Variants in RIPK3 observed in about 807,000 individuals in gnomAD.
RIPK3 encodes receptor interacting serine/threonine kinase 3, also known as receptor-interacting serine/threonine-protein kinase 3.
RIPK3 carries 51 observed loss-of-function variants against 51.6 expected under a neutral mutation model. That is an observed-to-expected ratio of 0.99 (90% CI 0.79 to 1.25). RIPK3 has a LOEUF of 1.25. Among genes scored for constraint, RIPK3 ranks in the 50% most tolerant of loss-of-function variants. The pLI is 0.00. For synonymous variants in RIPK3, 246 were observed against 257.7 expected, an observed-to-expected ratio of 0.95 and a Z score of 0.44; for missense variants, 654 against 650.4, an observed-to-expected ratio of 1.01 and a Z score of -0.06.
Position 24,337,915 on chromosome 14 carries a change from G to GCATTAATCC in RIPK3, c.789_790insGGATTAATG (p.Gln263_Leu264insGlyLeuMet). On this transcript the variant is annotated inframe_insertion, in exon 6 of 10. Transcript: ENST00000216274. ...TCCTTGGGCTCACTGCTCCAGCAGA[G>GCATTAATCC]CTGCATTAGCTCCTTCAGTCCTTCT... The GCATTAATCC allele has an allele frequency of 6.2e-7, 1 of 1,614,210 alleles. No individual in the cohort carries two copies. The highest frequency in any genetic ancestry group is 8.5e-7 in the Non-Finnish European group (1 of 1,180,042).
chr14:24,339,821 C>A lies in RIPK3; in HGVS notation c.6G>T (p.Ser2=). 6.4e-7 allele frequency: 1 copy of A among 1,571,652 alleles called. No individual in the cohort carries two copies. Among genetic ancestry groups the A allele is most frequent in the Non-Finnish European group, 8.6e-7 (1 of 1,161,674 alleles). The stretch of plus-strand genomic sequence containing the variant: ...TCCCTACTCACCATAACTTGACGCA[C>A]GACATCAGGCTGGAAGGTGCCAGGG... M[S]CVKLWPSGAP... is the part of the protein sequence containing the mutation. The change falls in exon 1 of 10, where the codon TCG becomes TCT. Residue 2 remains serine (S), a synonymous_variant. Transcript: ENST00000216274. This position sits in a 1 kb window ranked among gnomAD's most constrained non-coding sequence, Gnocchi z 4.0.
chr14:24,337,819 C>T lies in RIPK3; in HGVS notation c.832+54G>A, dbSNP rs370452891. 1.9e-4 allele frequency: 301 copies of T among 1,612,582 alleles called. No individual in the cohort carries two copies. In the African/African-American group the frequency reaches 3.7e-3, roughly 20 times the overall value. ...GCAAATCTTCTTTTCCTGAGAAAAGCCCCCTGCTGACAGACCCAAGCTTAT... is the reference window on the plus strand; with the variant it reads ...GCAAATCTTCTTTTCCTGAGAAAAGTCCCCTGCTGACAGACCCAAGCTTAT... On this transcript the variant is annotated intron_variant, in intron 6 of 9. Transcript: ENST00000216274.
intron 4 of RIPK3, 60 bp downstream of exon 4, chr14:24,338,362 C>T (rs2042156775): frequency 1.3e-6 from 2 of 1,565,800 alleles, no homozygotes; most frequent in South Asian, 1.2e-5. Context: ...TACATCATCC[C>T]CTGGGAGGGC....
rs754238023 is a variant in RIPK3 at position 24,339,860 on chromosome 14, T to C, written c.-34A>G. On this transcript the variant is annotated 5_prime_UTR_variant, in exon 1 of 10. Coordinates refer to ENST00000216274, the MANE Select transcript of RIPK3 (RefSeq NM_006871.4). This position sits in a 1 kb window ranked among gnomAD's most constrained non-coding sequence, Gnocchi z 4.0. ...AAGGTGCCAGGGGGCCTCTGGAAAT[T>C]GCGAGCCGTAGGAGATGGAGTGACT... 4 of 1,544,912 alleles carry C rather than the reference T, an allele frequency of 2.6e-6. No homozygotes were observed. The East Asian group carries it at 9.0e-5, about 35-fold the overall frequency.
intron 3 of RIPK3, 118 bp downstream of exon 3, chr14:24,338,895 CAG>C: frequency 9.4e-6 from 8 of 849,980 alleles, no homozygotes; most frequent in Non-Finnish European, 1.3e-5. Context: ...GCCCTGTGTC[CAG>C]AGAGAGAGGC....
rs752066090 is a variant in RIPK3 at position 24,336,384 on chromosome 14, C to A, written c.1348G>T (p.Val450Phe). The change falls in exon 10 of 10, where the codon GTT (valine) becomes TTT (phenylalanine). Residue 450 changes from valine to phenylalanine, a missense_variant. Transcript: ENST00000216274. The stretch of plus-strand genomic sequence containing the variant: ...ACCCCAGAGCAGTTGTATATGTTAA[C>A]GAGCGGTCGCCCTTTAAGAGAAATA... ...EPNPVTGRPL[V>F]NIYNCSGVQV... 6.2e-7 allele frequency: 1 copy of A among 1,613,356 alleles called. No homozygotes were observed. The highest frequency in any genetic ancestry group is 1.1e-5 in the South Asian group (1 of 91,038).
At position 24,339,132 on chromosome 14, in the gene RIPK3, G is replaced by A. The variant is rs767022992; in HGVS notation, c.354C>T (p.Cys118=). Reference sequence around the variant, plus strand: ...CAAGCACCACTTCTTTCAGCAGGCGGCAAAGGAGCGGCCAGGGCCGAGGGC... The same window carrying A: ...CAAGCACCACTTCTTTCAGCAGGCGACAAAGGAGCGGCCAGGGCCGAGGGC... ...SQCPRPWPLL[C]RLLKEVVLGM... The change falls in exon 3 of 10, where the codon TGC becomes TGT. Residue 118 remains cysteine (C), a synonymous_variant. Coordinates refer to ENST00000216274, the MANE Select transcript of RIPK3 (RefSeq NM_006871.4). The surrounding 1 kb of genome is among the most constrained non-coding windows in gnomAD (Gnocchi z 4.0). 3.7e-6 allele frequency: 6 copies of A among 1,614,102 alleles called. No homozygotes were observed. The highest frequency in any genetic ancestry group is 5.1e-6 in the Non-Finnish European group (6 of 1,180,036).
In RIPK3 at chr14:24,339,846, G is replaced by C; in HGVS notation, c.-20C>G. On this transcript the variant is annotated 5_prime_UTR_variant, in exon 1 of 10. Transcript: ENST00000216274. The surrounding 1 kb of genome is among the most constrained non-coding windows in gnomAD (Gnocchi z 4.0). ...CGACATCAGGCTGGAAGGTGCCAGG[G>C]GGCCTCTGGAAATTGCGAGCCGTAG... is the stretch of plus-strand genomic sequence containing the variant. The C allele has an allele frequency of 6.4e-7, 1 of 1,553,028 alleles. No homozygotes were observed. The highest frequency in any genetic ancestry group is 2.2e-5 in the East Asian group (1 of 44,534).
chr14:24,337,936 C>A lies in RIPK3; in HGVS notation c.769G>T (p.Gly257Ter), dbSNP rs2042151788. 6.2e-7 allele frequency: 1 copy of A among 1,614,230 alleles called. No homozygotes were observed. Among genetic ancestry groups the A allele is most frequent in the South Asian group, 1.1e-5 (1 of 91,090 alleles). ...CAGAGCTGCATTAGCTCCTTCAGTCCTTCTAAGCCGGGAGTCTCAGGCCCG... is the reference window on the plus strand; with the variant it reads ...CAGAGCTGCATTAGCTCCTTCAGTCATTCTAAGCCGGGAGTCTCAGGCCCG... ...QAGPETPGLEGLKELMQLCWS... is the reference protein window; with the variant it reads ...QAGPETPGLE Residue 257 changes from glycine (G) to a stop codon, truncating the protein, a stop_gained, in exon 6 of 10, where the codon GGA becomes TGA. Coordinates refer to ENST00000216274, the MANE Select transcript of RIPK3 (RefSeq NM_006871.4). LOFTEE classifies it high-confidence loss of function.
At position 24,337,475 on chromosome 14, in the gene RIPK3, GGA is replaced by G. The variant is rs1214673008; in HGVS notation, c.901-17_901-16del. 9 of 1,611,374 alleles carry G rather than the reference GGA, an allele frequency of 5.6e-6. No individual in the cohort carries two copies. The highest frequency in any genetic ancestry group is 6.8e-6 in the Non-Finnish European group (8 of 1,178,174). ...AAATCCTTTACCTGCAGGGATGGGA[GGA>G]GTTTGCTGGGTATGACTTGGATGAG... On this transcript the variant is annotated splice_polypyrimidine_tract_variant and intron_variant, in intron 7 of 9. Transcript: ENST00000216274.
chr14:24,339,927 C>G lies in RIPK3; in HGVS notation c.-101G>C. 7.7e-7 allele frequency: 1 copy of G among 1,297,748 alleles called. No individual in the cohort carries two copies. The highest frequency in any genetic ancestry group is 1.1e-6 in the Non-Finnish European group (1 of 935,172). The allele number at this position is 1,297,748 out of a possible 1,614,324, so 80.4% of individuals were successfully genotyped here. ...TTCGCAGAGAGGGGAAGGGGTCTGTCTGTGCAGGGGTCAGTCTCTAGACCA... is the reference window on the plus strand; with the variant it reads ...TTCGCAGAGAGGGGAAGGGGTCTGTGTGTGCAGGGGTCAGTCTCTAGACCA... On this transcript the variant is annotated 5_prime_UTR_variant, in exon 1 of 10. Coordinates refer to ENST00000216274, the MANE Select transcript of RIPK3 (RefSeq NM_006871.4). The surrounding 1 kb of genome is among the most constrained non-coding windows in gnomAD (Gnocchi z 4.0).
chr14:24,338,704 A>T (rs1299507035), intron 3 of RIPK3, 137 bp from the exon 4 acceptor site: 13 of 1,236,194 alleles, frequency 1.1e-5, no homozygotes, highest in Non-Finnish European at 6.7e-6. Context: ...GTTCCCTTGG[A>T]TGGTAGATCT....
Position 24,337,654 on chromosome 14 carries a change from T to C in RIPK3, c.900+41A>G, listed in dbSNP as rs778424966. ...ATGGCCAGGTAGCCACGCTGTGCCA[T>C]CCCTGACCAGCTCCTGGGGAGGGGT... On this transcript the variant is annotated intron_variant, in intron 7 of 9. Transcript: ENST00000216274. The C allele has an allele frequency of 6.4e-6, 10 of 1,561,966 alleles. No homozygotes were observed. The South Asian group carries it at 1.0e-4, about 16-fold the overall frequency.
Position 24,336,136 on chromosome 14 carries a change from C to T in RIPK3, c.*39G>A, listed in dbSNP as rs766795821. ...GGGGCCTCAAGGGGTGGCACTCTTCCTTAACTCGTAACTCTTGGAGGCAAG... is the reference window on the plus strand; with the variant it reads ...GGGGCCTCAAGGGGTGGCACTCTTCTTTAACTCGTAACTCTTGGAGGCAAG... On this transcript the variant is annotated 3_prime_UTR_variant, in exon 10 of 10. Transcript: ENST00000216274. The T allele has an allele frequency of 3.0e-5, 47 of 1,593,182 alleles. No homozygotes were observed. The highest frequency in any genetic ancestry group is 3.9e-5 in the Non-Finnish European group (45 of 1,168,264).
intron 7 of RIPK3, 24 bp from the exon 8 acceptor site, chr14:24,337,484 T>C: frequency 6.2e-7 from 1 of 1,611,054 alleles, no homozygotes; most frequent in Non-Finnish European, 8.5e-7. Context: ...AGGAGTTTGC[T>C]GGGTATGACT....
Position 24,338,550 on chromosome 14 carries a change from C to T in RIPK3, c.489G>A (p.Leu163=), listed in dbSNP as rs771261780. Residue 163 remains leucine, a synonymous_variant, in exon 4 of 10, where the codon CTG becomes CTA. Coordinates refer to ENST00000216274, the MANE Select transcript of RIPK3 (RefSeq NM_006871.4). ...ELHVKLADFG[L]STFQGGSQSG... ...ACTGTGAGCCTCCCTGAAATGTGGA[C>T]AGGCCAAAATCTGCCAGCTGCAAAG... The T allele has an allele frequency of 1.2e-6, 2 of 1,604,750 alleles. No homozygotes were observed. Among genetic ancestry groups the T allele is most frequent in the East Asian group, 4.5e-5 (2 of 44,620 alleles).
rs2042142916 is a variant in RIPK3, at chr14:24,336,928, G to A, written c.1293C>T (p.Gly431=). ...PRGNQGAERQ[G]MNWSCRTPEP... is the part of the protein sequence containing the mutation. Reference sequence around the variant, plus strand: ...CCGGGGTCCTGCAGGACCAGTTCATGCCTTGTCTCTCAGCCCCCTGCAAAC... The same window carrying A: ...CCGGGGTCCTGCAGGACCAGTTCATACCTTGTCTCTCAGCCCCCTGCAAAC... Residue 431 remains glycine, a synonymous_variant, in exon 9 of 10, where the codon GGC becomes GGT. Transcript: ENST00000216274. 1 of 1,614,014 alleles carries A rather than the reference G, an allele frequency of 6.2e-7. No individual in the cohort carries two copies. Among genetic ancestry groups the A allele is most frequent in the Non-Finnish European group, 8.5e-7 (1 of 1,179,992 alleles).
chr14:24,336,272 C>A lies in RIPK3; in HGVS notation c.1460G>T (p.Gly487Val). The change falls in exon 10 of 10, where the codon GGC becomes GTC. Residue 487 changes from glycine (G) to valine (V), a missense_variant. Gly to Val is a moderately radical substitution (Grantham distance 109). Transcript: ENST00000216274. Reference protein sequence around the residue: ...WGLAPSGKGRGLQHPPPVGSQ... With the variant: ...WGLAPSGKGRVLQHPPPVGSQ... ...ACCTACTGGTGGGGGGTGCTGCAAG[C>A]CCCTCCCCTTGCCCGAAGGTGCCAA... The A allele has an allele frequency of 4.3e-6, 7 of 1,614,076 alleles. No individual in the cohort carries two copies. The highest frequency in any genetic ancestry group is 5.9e-6 in the Non-Finnish European group (7 of 1,180,016).
chr14:24,336,850 T>A, intron 9 of RIPK3, 35 bp downstream of exon 9: 1 of 1,575,190 alleles, frequency 6.3e-7, no homozygotes, highest in Non-Finnish European at 8.7e-7. Flanking sequence ...GTGGAAGAAT[T>A]GAACAGGGAA....
Sources: allele counts gnomAD v4.1 joint callset, GRCh38; gene constraint gnomAD v4.1.1; non-coding constraint Gnocchi (gnomAD v3.1); transcripts MANE v1.5; gene names NCBI Gene and HGNC (gene_info 2026-07-23, HGNC 2026-07-21).